The following CDH18 variants were observed in gnomAD, a reference collection of about 807,000 sequenced individuals.
The protein encoded by CDH18 is cadherin-18.
Under a neutral mutation model 67.9 loss-of-function variants are expected in CDH18, and 31 were observed. The ratio of observed to expected loss-of-function variants is 0.46; its 90% CI spans 0.34 to 0.62. The LOEUF (loss-of-function observed/expected upper bound fraction) is 0.62. CDH18 is among the 20% of genes least tolerant of loss of function. The probability of loss-of-function intolerance (pLI) is 0.01; values close to 1 mark genes in which losing one functional copy is unlikely to be tolerated. For synonymous variants in CDH18, 362 were observed against 347.2 expected (o/e 1.04, Z -0.48); for missense variants, 890 against 975.5 (o/e 0.91, Z 1.17).
At chr5:20,336,928 A>G (rs540224021) in intron 1 of CDH18, among the ~76,000 whole-genome samples, 27 of 152,098 alleles carry the variant, frequency 1.8e-4, no homozygotes. Context: ...GCACTCATGG[A>G]TAATAACCAA....
intron 5 of CDH18, among the ~76,000 whole-genome samples, chr5:19,652,393 C>T (rs142276220): frequency 7.3e-4 from 111 of 151,914 alleles, no homozygotes; most frequent in African/African-American, 2.4e-3. Context: ...GTTACCTTCT[C>T]GATTTCAAAG....
chr5:19,859,989 G>GGTGTGTGTGTGTGTGTGTGT (rs3065070), intron 2 of CDH18, among the ~76,000 whole-genome samples: 72 of 143,248 alleles, frequency 5.0e-4, no homozygotes, highest in East Asian at 2.1e-3. Context: ...GTTTGCTTTG[G>GGTGTGTGTGTGTGTGTGTGT]GTGTGTGTGT....
At position 20,262,999 on chromosome 5, in the gene CDH18, G is replaced by A. The variant is rs868545087; in HGVS notation, c.-579-7494C>T. Among the ~76,000 whole-genome samples, 85 of 140,106 alleles carry A rather than the reference G, an allele frequency of 6.1e-4. No individual in the cohort carries two copies. The Middle Eastern group carries it at 0.01, about 17-fold the overall frequency. 91.9% of individuals were successfully genotyped at this position (140,106 alleles called of 152,430 possible). A position where few individuals can be genotyped will look rare whatever the true frequency, so the allele number is the denominator to read the frequency against. The stretch of plus-strand genomic sequence containing the variant: ...GGAAGGGAAGGGAAGGGAGGGAAGG[G>A]GAGGGGAGGGAGGGGAGGGAAGGGG... On this transcript the variant is annotated intron_variant, in intron 1 of 14. Transcript: ENST00000507958.
At chr5:20,158,253 A>G (rs1425767133) in intron 2 of CDH18, among the ~76,000 whole-genome samples, 1 of 152,172 alleles carries the variant, frequency 6.6e-6, no homozygotes, top group African/African-American at 2.4e-5. Context: ...AGAACAAGAG[A>G]AAAATAAAAT....
chr5:20,408,749 C>T (rs1162238468), intron 1 of CDH18, among the ~76,000 whole-genome samples: 1 of 151,698 alleles, frequency 6.6e-6, no homozygotes, highest in African/African-American at 2.4e-5. Context: ...TCAATAACTA[C>T]TTTAAATGTA....
At chr5:19,668,231 A>T (rs1421026931) in intron 5 of CDH18, among the ~76,000 whole-genome samples, 5 of 152,036 alleles carry the variant, frequency 3.3e-5, no homozygotes, top group African/African-American at 1.2e-4. Flanking sequence ...ATATTAAGCT[A>T]TTCTCTGTGA....
chr5:19,592,584 A>G (rs1745342640), intron 6 of CDH18, among the ~76,000 whole-genome samples: 1 of 152,150 alleles, frequency 6.6e-6, no homozygotes, highest in Non-Finnish European at 1.5e-5. Context: ...AAATAATTTC[A>G]GTGAGACAAT....
At chr5:20,250,276 T>C (rs1743731826) in intron 2 of CDH18, among the ~76,000 whole-genome samples, 1 of 112,062 alleles carries the variant, frequency 8.9e-6, no homozygotes, top group African/African-American at 3.9e-5. Context: ...GTCTGACAAT[T>C]TTATTTTTTT....
chr5:19,668,421 T>C (rs1415233088), intron 5 of CDH18, among the ~76,000 whole-genome samples: 1 of 152,088 alleles, frequency 6.6e-6, no homozygotes, highest in Non-Finnish European at 1.5e-5. Context: ...TCCGCTTATA[T>C]TAAAAGTTTC....
intron 5 of CDH18, among the ~76,000 whole-genome samples, chr5:19,617,448 C>T (rs4583888): frequency 0.71 from 108,425 of 152,086 alleles, 39,302 homozygotes; most frequent in South Asian, 0.8. Flanking sequence ...TGTAGCCTTT[C>T]CATTTAGTAC....
intron 4 of CDH18, among the ~76,000 whole-genome samples, chr5:19,741,182 TC>T (rs1769084463): frequency 1.3e-5 from 2 of 150,098 alleles, no homozygotes. Flanking sequence ...TGTATATATG[TC>T]ATCTATGTAT....
At chr5:19,915,751 TG>T (rs1458634424) in intron 2 of CDH18, among the ~76,000 whole-genome samples, 3 of 151,870 alleles carry the variant, frequency 2.0e-5, no homozygotes, top group Non-Finnish European at 2.9e-5. Context: ...GATGGATAGG[TG>T]TTTTTTTTTT....
chr5:20,560,513 C>CACA (rs1758149447), intron 1 of CDH18, among the ~76,000 whole-genome samples: 4 of 81,094 alleles, frequency 4.9e-5, no homozygotes, highest in Non-Finnish European at 1.2e-4. Flanking sequence ...ACACACACAC[C>CACA]CCTACATTCA....
intron 1 of CDH18, among the ~76,000 whole-genome samples, chr5:20,405,602 TAAAGAG>T (rs2150135519): frequency 6.6e-6 from 1 of 152,154 alleles, no homozygotes; most frequent in South Asian, 2.1e-4. Context: ...CTAAGTAAAC[TAAAGAG>T]CTTCTGCACA....
intron 1 of CDH18, among the ~76,000 whole-genome samples, chr5:20,515,361 T>C (rs1469055720): frequency 6.6e-6 from 1 of 151,602 alleles, no homozygotes; most frequent in Non-Finnish European, 1.5e-5. Flanking sequence ...CTTTTCCCTG[T>C]ACGCTACAAA....
chr5:20,003,505 C>T (rs1277622756), intron 2 of CDH18, among the ~76,000 whole-genome samples: 1 of 151,972 alleles, frequency 6.6e-6, no homozygotes, highest in African/African-American at 2.4e-5. Context: ...AAAAAATGTC[C>T]AAAATGAAAA....
intron 3 of CDH18, among the ~76,000 whole-genome samples, chr5:19,810,360 T>C (rs766450095): frequency 4.6e-5 from 7 of 151,124 alleles, no homozygotes; most frequent in Non-Finnish European, 8.9e-5. Flanking sequence ...TAAAATAAAA[T>C]AGGAGAAAAT....
chr5:20,116,323 A>G (rs891903384), intron 2 of CDH18, among the ~76,000 whole-genome samples: 15 of 152,146 alleles, frequency 9.9e-5, no homozygotes, highest in African/African-American at 3.4e-4. Flanking sequence ...CAGGCTGGCC[A>G]ACATGATGAA....
At chr5:20,024,033 A>T (rs886768412) in intron 2 of CDH18, among the ~76,000 whole-genome samples, 1 of 152,178 alleles carries the variant, frequency 6.6e-6, no homozygotes, top group African/African-American at 2.4e-5. Flanking sequence ...CAAGGAGTAG[A>T]GCTAATTGGA....
Sources: allele counts gnomAD v4.1 joint callset (sites outside exome capture counted in the v4.1 genomes callset), GRCh38; gene constraint gnomAD v4.1.1; transcripts MANE v1.5; gene names NCBI Gene and HGNC (gene_info 2026-07-23, HGNC 2026-07-21).